The following IPP variants were observed in gnomAD, a reference collection of about 807,000 sequenced individuals.
IPP encodes the protein intracisternal A particle-promoted polypeptide, also known as actin-binding protein IPP.
IPP carries 41 observed loss-of-function variants against 64.1 expected under a neutral mutation model. That is an observed-to-expected ratio of 0.64 (90% CI 0.50 to 0.83). The LOEUF (loss-of-function observed/expected upper bound fraction) is 0.83, where lower values mean the gene tolerates loss of function less well. Ranked by LOEUF, IPP falls within the 40% of genes least tolerant of loss-of-function variation. IPP has a pLI of 0.00. For synonymous variants in IPP, 214 were observed against 235.2 expected (o/e 0.91, Z 0.83); for missense variants, 649 against 703.0 (o/e 0.92, Z 0.87).
chr1:45,699,028 A>C lies in IPP; in HGVS notation c.*938T>G. ...AGGTGTGAGCCACCATGCCCAGCCT[A>C]AAAAAGGGAGAAATTTCTAGGTGCA... On this transcript the variant is annotated 3_prime_UTR_variant, in exon 9 of 9. Transcript: ENST00000396478. 1 of 984,632 alleles carries C rather than the reference A, an allele frequency of 1.0e-6. No individual in the cohort carries two copies. Among genetic ancestry groups the C allele is most frequent in the Non-Finnish European group, 1.2e-6 (1 of 829,292 alleles). The allele number at this position is 984,632 out of a possible 1,614,324, so 61.0% of individuals were successfully genotyped here. A position where few individuals can be genotyped will look rare whatever the true frequency, so the allele number is the denominator to read the frequency against.
At chr1:45,745,495 A>G in intron 2 of IPP, among the ~76,000 whole-genome samples, 1 of 152,164 alleles carries the variant, frequency 6.6e-6, no homozygotes, top group East Asian at 1.9e-4. Flanking sequence ...TGAGATCTAT[A>G]CATGTATCAT....
In IPP at chr1:45,746,467, A is replaced by G; in HGVS notation, c.-50-6T>C. 1 of 1,403,992 alleles carries G rather than the reference A, an allele frequency of 7.1e-7. No homozygotes were observed. Among genetic ancestry groups the G allele is most frequent in the East Asian group, 2.3e-5 (1 of 43,376 alleles). The allele number at this position is 1,403,992 out of a possible 1,614,324, so 87.0% of individuals were successfully genotyped here. Reference sequence around the variant, plus strand: ...GCCCATAATCTGTTACTACCCTGAAAAACAAAATACAAAGAGATCAAGCAA... The same window carrying G: ...GCCCATAATCTGTTACTACCCTGAAGAACAAAATACAAAGAGATCAAGCAA... On this transcript the variant is annotated splice_region_variant and splice_polypyrimidine_tract_variant and intron_variant, in intron 1 of 8. Coordinates refer to ENST00000396478, the MANE Select transcript of IPP (RefSeq NM_005897.3).
chr1:45,726,224 T>C (rs1415085693), intron 5 of IPP, among the ~76,000 whole-genome samples: 1 of 149,358 alleles, frequency 6.7e-6, no homozygotes, highest in Non-Finnish European at 1.5e-5. Flanking sequence ...TATGGGAGGC[T>C]GAGGCGGATG....
chr1:45,729,751 A>G lies in IPP; in HGVS notation c.743T>C (p.Leu248Pro), dbSNP rs1645880723. 6.3e-7 allele frequency: 1 copy of G among 1,585,678 alleles called. No individual in the cohort carries two copies. Among genetic ancestry groups the G allele is most frequent in the South Asian group, 1.2e-5 (1 of 86,440 alleles). Reference sequence around the variant, plus strand: ...CAGAAGTGTTTGCAATGCAACACGAAGATTAAAATCGGATACTCCTAAAAC... The same window carrying G: ...CAGAAGTGTTTGCAATGCAACACGAGGATTAAAATCGGATACTCCTAAAAC... ...KYIEGVSDFNLRVALQTLLKE... is the reference protein window; with the variant it reads ...KYIEGVSDFNPRVALQTLLKE... Residue 248 changes from leucine (L) to proline (P), a missense_variant, in exon 4 of 9, where the codon CTT (leucine) becomes CCT (proline). Coordinates refer to ENST00000396478, the MANE Select transcript of IPP (RefSeq NM_005897.3).
chr1:45,714,646 CA>C (rs1299069949), intron 7 of IPP, among the ~76,000 whole-genome samples, 180 bp from the exon 8 acceptor site: 6 of 152,024 alleles, frequency 3.9e-5, no homozygotes, highest in Non-Finnish European at 7.4e-5. Flanking sequence ...CAGCAAGTTG[CA>C]AAAAATTAGT....
chr1:45,732,786 C>A (rs1397211922), intron 3 of IPP, among the ~76,000 whole-genome samples: 1 of 152,054 alleles, frequency 6.6e-6, no homozygotes, highest in East Asian at 1.9e-4. Flanking sequence ...CCTGCCTCAG[C>A]CTTCCGAGTA....
At chr1:45,697,747 A>G (rs1645399643), downstream of IPP, among the ~76,000 whole-genome samples, 1 of 151,776 alleles carries the variant, frequency 6.6e-6, no homozygotes, top group Non-Finnish European at 1.5e-5. Context: ...TCACAAGGTC[A>G]GGAGTTCAAC....
At chr1:45,700,712 T>C (rs773605731) in intron 8 of IPP, among the ~76,000 whole-genome samples, 1 of 152,200 alleles carries the variant, frequency 6.6e-6, no homozygotes, top group African/African-American at 2.4e-5. Flanking sequence ...TTAAAAGGTC[T>C]GATTATAAAA....
chr1:45,738,756 T>C (rs1182591120), intron 3 of IPP, among the ~76,000 whole-genome samples: 2 of 143,572 alleles, frequency 1.4e-5, no homozygotes, highest in African/African-American at 5.2e-5. Context: ...AGGAGAATGG[T>C]GTGAACCCAG....
intron 8 of IPP, among the ~76,000 whole-genome samples, chr1:45,713,770 G>A (rs1246479464): frequency 6.6e-6 from 1 of 152,088 alleles, no homozygotes; most frequent in Non-Finnish European, 1.5e-5. Context: ...TGCTGTTCAC[G>A]CTGGTCTTGA....
At chr1:45,733,399 T>G (rs553596748) in intron 3 of IPP, among the ~76,000 whole-genome samples, 1 of 151,536 alleles carries the variant, frequency 6.6e-6, no homozygotes, top group African/African-American at 2.4e-5. Flanking sequence ...GACTCCAGCC[T>G]GGGTGACAAA....
At chr1:45,714,172 G>T in intron 8 of IPP, 74 bp downstream of exon 8, 1 of 1,067,520 alleles carries the variant, frequency 9.4e-7, no homozygotes, top group East Asian at 2.4e-5. Context: ...GAGTGAAAAA[G>T]AGTGCATCAC....
At chr1:45,725,245 G>A (rs1350356738) in intron 5 of IPP, among the ~76,000 whole-genome samples, 30 of 114,950 alleles carry the variant, frequency 2.6e-4, no homozygotes, top group African/African-American at 4.7e-4. Context: ...CAGCCGCCCC[G>A]TCCGGGAGGT....
intron 5 of IPP, among the ~76,000 whole-genome samples, chr1:45,722,023 C>A (rs951598674): frequency 3.3e-5 from 5 of 149,324 alleles, no homozygotes; most frequent in African/African-American, 1.2e-4. Flanking sequence ...GAGCCGAGAT[C>A]ACGCCACTGC....
intron 2 of IPP, among the ~76,000 whole-genome samples, chr1:45,741,623 C>CT (rs57797396): frequency 0.019 from 1,823 of 96,040 alleles, 89 homozygotes; most frequent in African/African-American, 0.022. Flanking sequence ...TTCTTATTTT[C>CT]TTTTTTTTTT....
In IPP at chr1:45,699,289, A is replaced by G; in HGVS notation, c.*677T>C. 2 of 985,456 alleles carry G rather than the reference A, an allele frequency of 2.0e-6. No homozygotes were observed. Among genetic ancestry groups the G allele is most frequent in the Non-Finnish European group, 2.4e-6 (2 of 829,938 alleles). The allele number at this position is 985,456 out of a possible 1,614,324, so 61.0% of individuals were successfully genotyped here. On this transcript the variant is annotated 3_prime_UTR_variant, in exon 9 of 9. Transcript: ENST00000396478. ...GTGAAAACTCTTGGCATTAAATAAA[A>G]GTAGGAATCTATTTCATTGGCTTTC...
chr1:45,740,477 C>T lies in IPP; in HGVS notation c.724+424G>A, dbSNP rs553344038. ...CTGAACCCCCCATCTCCCTCCCGAA[C>T]GGGGCGGCTGGCCGGGCGGGGGGCT... On this transcript the variant is annotated intron_variant, in intron 3 of 8. Transcript: ENST00000396478. Among the ~76,000 whole-genome samples the T allele has an allele frequency of 1.8e-4, 27 of 152,088 alleles. 1 individual carries two copies. The highest frequency in any genetic ancestry group is 7.2e-4 in the Admixed American group (11 of 15,284).
chr1:45,713,853 C>T (rs1204868638), intron 8 of IPP, among the ~76,000 whole-genome samples: 2 of 152,042 alleles, frequency 1.3e-5, no homozygotes, highest in East Asian at 3.9e-4. Flanking sequence ...GCCACCACGC[C>T]TAGCAGTACA....
chr1:45,724,703 C>A (rs1645785663), intron 5 of IPP, among the ~76,000 whole-genome samples: 2 of 151,520 alleles, frequency 1.3e-5, no homozygotes, highest in Non-Finnish European at 2.9e-5. Flanking sequence ...CGTCTCTGCC[C>A]GGCCGCCCCG....
Sources: gnomAD v4.1 joint callset for allele counts (sites outside exome capture counted in the v4.1 genomes callset) on GRCh38, gnomAD v4.1.1 for gene constraint, MANE v1.5 for transcripts, NCBI Gene and HGNC (gene_info 2026-07-23, HGNC 2026-07-21) for gene names.